The following AKT3 variants were observed in gnomAD, a reference collection of about 807,000 sequenced individuals.
AKT3 encodes the protein AKT serine/threonine kinase 3, also known as RAC-gamma serine/threonine-protein kinase.
A neutral mutation model predicts 65.3 loss-of-function variants in AKT3; 15 were observed. That is an observed-to-expected ratio of 0.23 (90% CI 0.15 to 0.35). The LOEUF (loss-of-function observed/expected upper bound fraction) is 0.35, where lower values mean the gene tolerates loss of function less well. AKT3 is among the 10% of genes least tolerant of loss of function. The pLI is 1.00. For synonymous variants in AKT3, 206 were observed against 183.8 expected (o/e 1.12, Z -0.98); for missense variants, 243 against 576.5 (o/e 0.42, Z 5.92).
intron 2 of AKT3, among the ~76,000 whole-genome samples, chr1:243,737,137 C>T (rs1367296303): frequency 2.0e-5 from 3 of 152,130 alleles, no homozygotes; most frequent in Non-Finnish European, 4.4e-5. Flanking sequence ...ACTCTACCTT[C>T]GGATCTCAGC....
intron 9 of AKT3, among the ~76,000 whole-genome samples, chr1:243,572,053 T>C (rs1354003598): frequency 6.6e-6 from 1 of 152,206 alleles, no homozygotes; most frequent in African/African-American, 2.4e-5. Flanking sequence ...TATACACAAT[T>C]TGCTTCTTAC....
upstream of AKT3, among the ~76,000 whole-genome samples, chr1:243,850,573 G>C (rs996791176): frequency 6.6e-5 from 10 of 150,918 alleles, no homozygotes; most frequent in African/African-American, 2.4e-4. Flanking sequence ...CCTCCCGCTC[G>C]GGGCCGCCGC....
intron 12 of AKT3, among the ~76,000 whole-genome samples, chr1:243,543,665 T>A (rs1201963354): frequency 1.3e-5 from 2 of 152,230 alleles, no homozygotes; most frequent in Non-Finnish European, 2.9e-5. Flanking sequence ...TATATATGCA[T>A]GCAACTCATA....
upstream of AKT3, among the ~76,000 whole-genome samples, chr1:243,850,535 C>G (rs1000740697): frequency 5.3e-5 from 8 of 151,280 alleles, no homozygotes; most frequent in Non-Finnish European, 7.4e-5. Flanking sequence ...GCTGAGGGGA[C>G]CCCCCGCCGC....
At position 243,764,039 on chromosome 1, in the gene AKT3, G is replaced by A. The variant is rs190294878; in HGVS notation, c.47-68323C>T. Among the ~76,000 whole-genome samples, 7 of 152,062 alleles carry A rather than the reference G, an allele frequency of 4.6e-5. No homozygotes were observed. In the East Asian group the frequency reaches 9.6e-4, roughly 21 times the overall value. The stretch of plus-strand genomic sequence containing the variant: ...TACCCTGAACTCGGATTTCACTGCC[G>A]ATATTTCTGAATGACAGAAAATTTG... On this transcript the variant is annotated intron_variant, in intron 2 of 13. Coordinates refer to ENST00000673466, the MANE Select transcript of AKT3 (RefSeq NM_005465.7).
chr1:243,572,882 GTC>G, intron 9 of AKT3, 42 bp downstream of exon 9: 1 of 1,558,152 alleles, frequency 6.4e-7, no homozygotes, highest in Non-Finnish European at 8.7e-7. Context: ...TGTCCCTATA[GTC>G]TCTGCAAAAA....
intron 3 of AKT3, among the ~76,000 whole-genome samples, chr1:243,672,158 C>CCCTA (rs1683197456): frequency 6.6e-6 from 1 of 152,142 alleles, no homozygotes; most frequent in South Asian, 2.1e-4. Context: ...GAGGGTTATC[C>CCCTA]CCTAGCAGGA....
At chr1:243,672,033 T>C (rs1234678295) in intron 3 of AKT3, among the ~76,000 whole-genome samples, 1 of 152,146 alleles carries the variant, frequency 6.6e-6, no homozygotes, top group African/African-American at 2.4e-5. Context: ...CTATGACACT[T>C]TTTCTCATAT....
intron 2 of AKT3, among the ~76,000 whole-genome samples, chr1:243,704,657 C>G (rs551121158): frequency 2.6e-5 from 4 of 152,210 alleles, no homozygotes; most frequent in African/African-American, 9.6e-5. Context: ...CGATTTGCTG[C>G]TATGTTGATT....
chr1:243,497,338 G>T (rs993045083), downstream of AKT3, among the ~76,000 whole-genome samples: 20 of 79,924 alleles, frequency 2.5e-4, 2 homozygotes, highest in East Asian at 3.1e-4. Flanking sequence ...AGGCACGGGT[G>T]GGGGGGGGGG....
At chr1:243,545,188 A>C (rs1574578157) in intron 12 of AKT3, among the ~76,000 whole-genome samples, 1 of 152,212 alleles carries the variant, frequency 6.6e-6, no homozygotes, top group Non-Finnish European at 1.5e-5. Context: ...CAAATTAAAA[A>C]ATTTTAACTA....
At chr1:243,764,299 A>G (rs1357858612) in intron 2 of AKT3, among the ~76,000 whole-genome samples, 1 of 152,100 alleles carries the variant, frequency 6.6e-6, no homozygotes, top group Non-Finnish European at 1.5e-5. Context: ...AAAACTCTAT[A>G]AAGTAAAAGG....
chr1:243,717,885 A>G (rs1686609697), intron 2 of AKT3, among the ~76,000 whole-genome samples: 1 of 152,234 alleles, frequency 6.6e-6, no homozygotes, highest in African/African-American at 2.4e-5. Flanking sequence ...CATACATTGT[A>G]CATTATACTT....
chr1:243,601,853 T>C (rs1236816149), intron 8 of AKT3, among the ~76,000 whole-genome samples: 1 of 152,314 alleles, frequency 6.6e-6, no homozygotes, highest in East Asian at 1.9e-4. Flanking sequence ...GATATTTAAA[T>C]ACTGTTTTGT....
At chr1:243,755,199 G>C (rs964717691) in intron 2 of AKT3, among the ~76,000 whole-genome samples, 1 of 151,680 alleles carries the variant, frequency 6.6e-6, no homozygotes, top group Non-Finnish European at 1.5e-5. Flanking sequence ...CTCCAGAGCA[G>C]TGGGGATTAC....
intron 6 of AKT3, among the ~76,000 whole-genome samples, chr1:243,632,639 G>T (rs771746103): frequency 2.6e-5 from 4 of 152,178 alleles, no homozygotes; most frequent in Non-Finnish European, 5.9e-5. Context: ...TTTAGAGCCA[G>T]GCAATGACTT....
chr1:243,563,269 C>G (rs1016051768), intron 10 of AKT3, among the ~76,000 whole-genome samples: 2 of 152,054 alleles, frequency 1.3e-5, no homozygotes, highest in Non-Finnish European at 2.9e-5. Flanking sequence ...GACATAAATT[C>G]CAAAATGTAG....
intron 2 of AKT3, among the ~76,000 whole-genome samples, chr1:243,808,405 C>T (rs1017075935): frequency 1.5e-4 from 23 of 152,114 alleles, no homozygotes; most frequent in Non-Finnish European, 1.6e-4. Context: ...GTAGCCGATT[C>T]GATCAACTGG....
At chr1:243,827,419 A>T (rs1023217539) in intron 2 of AKT3, among the ~76,000 whole-genome samples, 2 of 152,138 alleles carry the variant, frequency 1.3e-5, no homozygotes, top group Non-Finnish European at 2.9e-5. Context: ...AGAAATTAAG[A>T]TACCCTCTGC....
Sources: gnomAD v4.1 joint callset for allele counts (sites outside exome capture counted in the v4.1 genomes callset) on GRCh38, gnomAD v4.1.1 for gene constraint, MANE v1.5 for transcripts, NCBI Gene and HGNC (gene_info 2026-07-23, HGNC 2026-07-21) for gene names.